ROBO2: variants seen among roughly 807,000 people sequenced by gnomAD.
ROBO2 encodes roundabout homolog 2.
A neutral mutation model predicts 160.8 loss-of-function variants in ROBO2; 53 were observed. That is an observed-to-expected ratio of 0.33 (90% confidence interval 0.26 to 0.41). The LOEUF (loss-of-function observed/expected upper bound fraction) is 0.41, where lower values mean the gene tolerates loss of function less well. Ranked by LOEUF, ROBO2 falls within the 10% of genes least tolerant of loss-of-function variation. ROBO2 has a pLI of 1.00. For synonymous variants in ROBO2, 664 were observed against 611.7 expected, an observed-to-expected ratio of 1.09 and a Z score of -1.26; for missense variants, 1,577 against 1,722.4, an observed-to-expected ratio of 0.92 and a Z score of 1.49.
At chr3:77,328,321 A>T (rs2153438993) in intron 2 of ROBO2, among the ~76,000 whole-genome samples, 1 of 152,290 alleles carries the variant, frequency 6.6e-6, no homozygotes, top group African/African-American at 2.4e-5. Context: ...AATAAAGTTT[A>T]GGCCAAATTG....
At chr3:76,158,902 T>C (rs569506552) in intron 2 of ROBO2, among the ~76,000 whole-genome samples, 1 of 152,164 alleles carries the variant, frequency 6.6e-6, no homozygotes, top group South Asian at 2.1e-4. Flanking sequence ...TGTTACAGAT[T>C]GTTTATATGT....
chr3:77,028,754 T>G (rs1195482226), intron 2 of ROBO2, among the ~76,000 whole-genome samples: 3 of 152,154 alleles, frequency 2.0e-5, no homozygotes, highest in African/African-American at 7.2e-5. Context: ...CTCATTTACC[T>G]TTTTCCTGGT....
chr3:76,362,124 G>C (rs772423000), intron 2 of ROBO2, among the ~76,000 whole-genome samples: 36 of 152,058 alleles, frequency 2.4e-4, no homozygotes, highest in Non-Finnish European at 4.6e-4. Context: ...TAACACTTTG[G>C]GAGGCCAAGG....
chr3:77,640,777 C>A (rs2095340192), intron 24 of ROBO2, among the ~76,000 whole-genome samples: 1 of 152,124 alleles, frequency 6.6e-6, no homozygotes, highest in South Asian at 2.1e-4. Context: ...TTTCAAAAAA[C>A]CATTCTTAAT....
intron 2 of ROBO2, among the ~76,000 whole-genome samples, chr3:76,910,653 C>G (rs1577411937): frequency 7.2e-6 from 1 of 139,576 alleles, no homozygotes; most frequent in Non-Finnish European, 1.5e-5. Context: ...TTGAACCCAG[C>G]AGGCGGAGGT....
At chr3:76,395,405 C>T (rs1324116759) in intron 2 of ROBO2, among the ~76,000 whole-genome samples, 1 of 147,652 alleles carries the variant, frequency 6.8e-6, no homozygotes, top group Non-Finnish European at 1.5e-5. Context: ...CCTAACATCA[C>T]AATTAAAAGA....
intron 2 of ROBO2, among the ~76,000 whole-genome samples, chr3:77,304,140 G>A (rs922139672): frequency 1.3e-5 from 2 of 152,150 alleles, no homozygotes; most frequent in Non-Finnish European, 2.9e-5. Context: ...GAGATTTAGG[G>A]TGATGAGAAG....
At chr3:77,356,332 AGAG>A (rs1366924541) in intron 2 of ROBO2, among the ~76,000 whole-genome samples, 10 of 143,826 alleles carry the variant, frequency 7.0e-5, no homozygotes, top group African/African-American at 3.0e-4. Flanking sequence ...TGTGCATGAG[AGAG>A]AGAGAGGGAG....
intron 2 of ROBO2, among the ~76,000 whole-genome samples, chr3:76,192,316 G>T (rs1421737694): frequency 6.6e-6 from 1 of 151,834 alleles, no homozygotes; most frequent in Non-Finnish European, 1.5e-5. Context: ...TCCCTAGTTA[G>T]TGCTCTTATT....
chr3:77,620,527 T>G (rs2094879550), intron 22 of ROBO2, among the ~76,000 whole-genome samples: 1 of 152,254 alleles, frequency 6.6e-6, no homozygotes, highest in Admixed American at 6.5e-5. Context: ...TACTAATACT[T>G]AGGAAACTTG....
At chr3:75,973,078 T>G (rs76717119) in intron 2 of ROBO2, among the ~76,000 whole-genome samples, 2,121 of 151,796 alleles carry the variant, frequency 0.014, 61 homozygotes, top group African/African-American at 0.048. Flanking sequence ...TAAGAAGACA[T>G]AGAGTCAAAG....
chr3:75,916,316 C>T (rs1946805428), intron 1 of ROBO2, among the ~76,000 whole-genome samples: 1 of 152,106 alleles, frequency 6.6e-6, no homozygotes, highest in Non-Finnish European at 1.5e-5. Flanking sequence ...TCTGATCCAT[C>T]AAAAAATTTA....
intron 2 of ROBO2, among the ~76,000 whole-genome samples, chr3:76,728,212 T>C (rs750359078): frequency 3.9e-5 from 6 of 152,166 alleles, no homozygotes; most frequent in Non-Finnish European, 8.8e-5. Flanking sequence ...TAGAAACATA[T>C]TCATTCTGTG....
At chr3:76,466,293 A>G (rs886391427) in intron 2 of ROBO2, among the ~76,000 whole-genome samples, 3 of 151,882 alleles carry the variant, frequency 2.0e-5, no homozygotes, top group Non-Finnish European at 2.9e-5. Flanking sequence ...CCTGGGCTTC[A>G]TAATTTCTAT....
intron 2 of ROBO2, among the ~76,000 whole-genome samples, chr3:76,139,163 T>C (rs766651323): frequency 1.3e-5 from 2 of 152,138 alleles, no homozygotes; most frequent in Non-Finnish European, 2.9e-5. Context: ...TCTTTTCTCA[T>C]TGAGTTGCCA....
At chr3:76,103,331 G>A (rs959106932) in intron 2 of ROBO2, among the ~76,000 whole-genome samples, 1 of 152,154 alleles carries the variant, frequency 6.6e-6, no homozygotes, top group African/African-American at 2.4e-5. Flanking sequence ...AAAGAAGATA[G>A]GAGCTGTTTC....
chr3:77,022,858 C>T (rs974621336), intron 2 of ROBO2, among the ~76,000 whole-genome samples: 3 of 152,050 alleles, frequency 2.0e-5, no homozygotes, highest in South Asian at 2.1e-4. Flanking sequence ...AGAATATTCA[C>T]GTTGTTGTGC....
chr3:77,342,450 A>T (rs1264359588), intron 2 of ROBO2, among the ~76,000 whole-genome samples: 1 of 152,178 alleles, frequency 6.6e-6, no homozygotes, highest in Non-Finnish European at 1.5e-5. Context: ...GAAATAAAAT[A>T]ATTCATAATT....
At chr3:76,823,259 T>C (rs1214659191) in intron 2 of ROBO2, among the ~76,000 whole-genome samples, 2 of 152,150 alleles carry the variant, frequency 1.3e-5, no homozygotes, top group African/African-American at 4.8e-5. Context: ...CTGAATTTAT[T>C]GACCCACACA....
Sources: gnomAD v4.1 joint callset for allele counts (sites outside exome capture counted in the v4.1 genomes callset) on GRCh38, gnomAD v4.1.1 for gene constraint, MANE v1.5 for transcripts, NCBI Gene and HGNC (gene_info 2026-07-23, HGNC 2026-07-21) for gene names.